The following EFCAB6 variants were observed in gnomAD, a reference collection of about 807,000 sequenced individuals.
EFCAB6 encodes EF-hand calcium-binding domain-containing protein 6.
A neutral mutation model predicts 169.8 loss-of-function variants in EFCAB6; 156 were observed. The ratio of observed to expected loss-of-function variants is 0.92; its 90% confidence interval spans 0.81 to 1.05. The LOEUF is 1.05. Ranked by LOEUF, EFCAB6 falls within the 50% of genes least tolerant of loss-of-function variation. The pLI, the probability that EFCAB6 is intolerant of heterozygous loss-of-function variation, is 0.00. For missense variants in EFCAB6, 1,800 were observed against 1,829.1 expected, an observed-to-expected ratio of 0.98 and a Z score of 0.29; for synonymous variants, 698 against 676.4, an observed-to-expected ratio of 1.03 and a Z score of -0.50.
intron 30 of EFCAB6, 23 bp downstream of exon 30, chr22:43,534,665 T>C: frequency 1.3e-6 from 2 of 1,572,644 alleles, no homozygotes; most frequent in Non-Finnish European, 1.7e-6. Context: ...TGGCCCCACA[T>C]TTCCTGCAGG....
At chr22:43,626,720 C>T (rs911514962) in intron 19 of EFCAB6, 41 bp from the exon 20 acceptor site, 2 of 1,602,416 alleles carry the variant, frequency 1.2e-6, no homozygotes, top group Non-Finnish European at 1.7e-6. Flanking sequence ...TCCCCAAGAG[C>T]CCCGGACGGC....
At chr22:43,782,135 A>C (rs2148035366) in intron 3 of EFCAB6, 45 bp downstream of exon 3, 1 of 1,572,410 alleles carries the variant, frequency 6.4e-7, no homozygotes, top group Non-Finnish European at 8.7e-7. Context: ...AATACATATA[A>C]GTGATATCTA....
chr22:43,665,263 A>G (rs2057194530), intron 17 of EFCAB6, among the ~76,000 whole-genome samples: 1 of 152,110 alleles, frequency 6.6e-6, no homozygotes, highest in Non-Finnish European at 1.5e-5. Flanking sequence ...AATGGCAGGT[A>G]CAACCGGAAG....
At chr22:43,804,382 C>CA (rs1403507047) in intron 2 of EFCAB6, among the ~76,000 whole-genome samples, 1 of 151,848 alleles carries the variant, frequency 6.6e-6, no homozygotes, top group Non-Finnish European at 1.5e-5. Flanking sequence ...AGAAAGACTT[C>CA]AAAAAAACAA....
At chr22:43,561,083 G>A (rs2049000115) in intron 26 of EFCAB6, among the ~76,000 whole-genome samples, 1 of 152,206 alleles carries the variant, frequency 6.6e-6, no homozygotes, top group Admixed American at 6.5e-5. Flanking sequence ...TACAGGCTGG[G>A]TGCAGTGGCT....
At chr22:43,735,394 TAA>T in intron 7 of EFCAB6, among the ~76,000 whole-genome samples, 1 of 152,040 alleles carries the variant, frequency 6.6e-6, no homozygotes, top group Middle Eastern at 3.4e-3. Flanking sequence ...AAAGGAAAAT[TAA>T]GTCTCCATTA....
chr22:43,711,744 G>T (rs2059168198), intron 9 of EFCAB6, 121 bp from the exon 10 acceptor site: 3 of 1,198,754 alleles, frequency 2.5e-6, no homozygotes, highest in Non-Finnish European at 1.1e-6. Context: ...GATCAAAAAG[G>T]TTACTATGGC....
At chr22:43,654,733 A>C (rs1211341676) in intron 17 of EFCAB6, among the ~76,000 whole-genome samples, 1 of 152,200 alleles carries the variant, frequency 6.6e-6, no homozygotes, top group African/African-American at 2.4e-5. Context: ...CTAGACAGGA[A>C]AAGGACATGA....
At chr22:43,544,888 C>T (rs969104905) in intron 27 of EFCAB6, among the ~76,000 whole-genome samples, 1 of 151,830 alleles carries the variant, frequency 6.6e-6, no homozygotes, top group Non-Finnish European at 1.5e-5. Flanking sequence ...TTTGGGAGGC[C>T]GAGGCAGGCA....
At chr22:43,585,489 A>C (rs2051002866) in intron 24 of EFCAB6, among the ~76,000 whole-genome samples, 1 of 152,208 alleles carries the variant, frequency 6.6e-6, no homozygotes, top group Admixed American at 6.5e-5. Flanking sequence ...AAATTTCAAA[A>C]TGTGTAACAC....
intron 10 of EFCAB6, among the ~76,000 whole-genome samples, chr22:43,706,210 G>T (rs2058954113): frequency 6.6e-6 from 1 of 152,114 alleles, no homozygotes; most frequent in Non-Finnish European, 1.5e-5. Flanking sequence ...CTTCTGCCAG[G>T]CCCCAGAACA....
At chr22:43,784,096 T>G (rs528910814) in intron 2 of EFCAB6, among the ~76,000 whole-genome samples, 1 of 152,064 alleles carries the variant, frequency 6.6e-6, no homozygotes, top group South Asian at 2.1e-4. Flanking sequence ...AAATGTCCAG[T>G]TTTCAACAAA....
intron 2 of EFCAB6, among the ~76,000 whole-genome samples, chr22:43,800,510 G>C (rs577025936): frequency 6.6e-6 from 1 of 152,296 alleles, no homozygotes; most frequent in Non-Finnish European, 1.5e-5. Context: ...TAATGAAACA[G>C]TGATATTTGA....
Position 43,711,577 on chromosome 22 carries a change from T to C in EFCAB6, c.929A>G (p.Asp310Gly), listed in dbSNP as rs748636700. Residue 310 changes from aspartate to glycine, a missense_variant, in exon 10 of 32, where the codon GAC (aspartate) becomes GGC (glycine). Asp to Gly is a moderately conservative substitution (Grantham distance 94, BLOSUM62 -1). Coordinates refer to ENST00000262726, the MANE Select transcript of EFCAB6 (RefSeq NM_022785.4). Reference protein sequence around the residue: ...EKVEKALSAGDPCKGGYVSFN... With the variant: ...EKVEKALSAGGPCKGGYVSFN... ...AGACACGTAGCCACCTTTACAGGGG[T>C]CCCCTGCACTGAGGGCCTTTTCAAC... 6 of 1,596,358 alleles carry C rather than the reference T, an allele frequency of 3.8e-6. No homozygotes were observed. The highest frequency in any genetic ancestry group is 5.1e-6 in the Non-Finnish European group (6 of 1,175,810).
At chr22:43,624,335 A>G (rs1005158280) in intron 20 of EFCAB6, among the ~76,000 whole-genome samples, 2 of 152,230 alleles carry the variant, frequency 1.3e-5, no homozygotes, top group Non-Finnish European at 1.5e-5. Flanking sequence ...GTACAGAAGG[A>G]TCTTTCTAAA....
In EFCAB6 at chr22:43,687,456, T is replaced by TC. The variant is rs1358119937; in HGVS notation, c.1142+14_1142+15insG. The TC allele has an allele frequency of 1.4e-6, 2 of 1,389,044 alleles. No homozygotes were observed. The highest frequency in any genetic ancestry group is 2.0e-6 in the Non-Finnish European group (2 of 1,021,662). 86.0% of individuals were successfully genotyped at this position (1,389,044 alleles called of 1,614,324 possible). On this transcript the variant is annotated intron_variant, in intron 11 of 31. Coordinates refer to ENST00000262726, the MANE Select transcript of EFCAB6 (RefSeq NM_022785.4). The stretch of plus-strand genomic sequence containing the variant: ...TGTGTAACTAAAATTTGTTTTTTTT[T>TC]TTTTTTTTACATACCTATTTCTTTT...
intron 17 of EFCAB6, among the ~76,000 whole-genome samples, chr22:43,665,514 TGA>T (rs1459820358): frequency 3.9e-5 from 6 of 152,312 alleles, no homozygotes; most frequent in Non-Finnish European, 1.5e-5. Flanking sequence ...CAGAGAATTG[TGA>T]GAGTTCAAGC....
chr22:43,551,579 G>T (rs939063484), intron 27 of EFCAB6, among the ~76,000 whole-genome samples: 1 of 152,026 alleles, frequency 6.6e-6, no homozygotes, highest in African/African-American at 2.4e-5. Flanking sequence ...TAAATGTGTG[G>T]CATGGTGTTT....
At chr22:43,687,449 T>G in intron 11 of EFCAB6, 22 bp downstream of exon 11, 2 of 1,011,568 alleles carry the variant, frequency 2.0e-6, no homozygotes, top group Non-Finnish European at 2.7e-6. Context: ...TAAAATTTGT[T>G]TTTTTTTTTT....
Sources: allele counts gnomAD v4.1 joint callset (sites outside exome capture counted in the v4.1 genomes callset), GRCh38; gene constraint gnomAD v4.1.1; transcripts MANE v1.5; gene names NCBI Gene and HGNC (gene_info 2026-07-23, HGNC 2026-07-21).